The following HAUS5 variants were observed in gnomAD, a reference collection of about 807,000 sequenced individuals.
HAUS5 encodes HAUS augmin like complex subunit 5, also known as HAUS augmin-like complex subunit 5.
In HAUS5, 67 loss-of-function variants were observed where a neutral mutation model predicts 94.1. The observed-to-expected ratio is 0.71, with a 90% CI of 0.58 to 0.87. HAUS5 has a LOEUF of 0.87. Among genes scored for constraint, HAUS5 ranks in the 40% least tolerant of loss-of-function variants. HAUS5 has a pLI of 0.00. For synonymous variants in HAUS5, 339 were observed against 355.4 expected (o/e 0.95, Z 0.52); for missense variants, 739 against 825.6 (o/e 0.90, Z 1.29).
At chr19:35,617,256 C>G in intron 7 of HAUS5, 31 bp from the exon 8 acceptor site, 1 of 1,605,794 alleles carries the variant, frequency 6.2e-7, no homozygotes, top group Non-Finnish European at 8.5e-7. Flanking sequence ...GCTAGGGTCC[C>G]CCTCAGGTCC....
intron 17 of HAUS5, among the ~76,000 whole-genome samples, chr19:35,621,281 C>T (rs561756602): frequency 2.0e-5 from 3 of 152,288 alleles, no homozygotes; most frequent in East Asian, 1.9e-4. Context: ...AGACCCCACA[C>T]GGCCTCTGCC....
intron 18 of HAUS5, 40 bp downstream of exon 18, chr19:35,622,773 C>A: frequency 6.2e-7 from 1 of 1,613,500 alleles, no homozygotes; most frequent in Non-Finnish European, 8.5e-7. Flanking sequence ...ACAGAAAAGT[C>A]AGGACTCAAG....
At chr19:35,619,586 C>CG in intron 14 of HAUS5, 27 bp from the exon 15 acceptor site, 155 of 1,361,180 alleles carry the variant, frequency 1.1e-4, no homozygotes, top group Non-Finnish European at 1.4e-4. Flanking sequence ...GTTGTGATGC[C>CG]CCACCCACCC....
chr19:35,621,895 T>A (rs1967214318), intron 17 of HAUS5, among the ~76,000 whole-genome samples: 1 of 152,186 alleles, frequency 6.6e-6, no homozygotes, highest in Non-Finnish European at 1.5e-5. Context: ...CTGATCACGC[T>A]GCTCGTCTGC....
rs1374730046 is a variant in HAUS5 at position 35,618,936 on chromosome 19, A to G, written c.1066A>G (p.Lys356Glu). Residue 356 changes from lysine to glutamate, a missense_variant, in exon 13 of 19, where the codon AAG becomes GAG. Lys to Glu is a moderately conservative substitution (Grantham distance 56). Transcript: ENST00000203166. ...LRRCCLWTEL[K>E]ALHDQSQELQ... ...GCGCTGTTGCCTGTGGACGGAGCTCAAGGCCCTGCACGATCAGAGCCAGGA... is the reference window on the plus strand; with the variant it reads ...GCGCTGTTGCCTGTGGACGGAGCTCGAGGCCCTGCACGATCAGAGCCAGGA... 6.2e-7 allele frequency: 1 copy of G among 1,613,312 alleles called. No individual in the cohort carries two copies. Among genetic ancestry groups the G allele is most frequent in the Non-Finnish European group, 8.5e-7 (1 of 1,179,752 alleles).
Position 35,618,067 on chromosome 19 carries a change from C to T in HAUS5, c.697-4C>T, listed in dbSNP as rs750875355. On this transcript the variant is annotated splice_polypyrimidine_tract_variant and splice_region_variant and intron_variant, in intron 9 of 18. Coordinates refer to ENST00000203166, the MANE Select transcript of HAUS5 (RefSeq NM_015302.2). ...TGCCCTGACTTCACCCTCCCTCCCC[C>T]TAGACGCTGCTGACAAACCACCCCC... 31 of 1,590,104 alleles carry T rather than the reference C, an allele frequency of 1.9e-5. No homozygotes were observed. The highest frequency in any genetic ancestry group is 2.7e-5 in the Non-Finnish European group (31 of 1,165,804).
At chr19:35,612,980 T>TC in intron 1 of HAUS5, 88 bp downstream of exon 1, 5 of 901,708 alleles carry the variant, frequency 5.5e-6, no homozygotes, top group Non-Finnish European at 1.6e-6. Context: ...AGGACTCGAC[T>TC]CCCCCCAATT....
chr19:35,620,128 G>A lies in HAUS5; in HGVS notation c.1518+5G>A. ...CTGGGGCTGCCTCCAGGGAAGGTGA[G>A]TGCCCGTCTCCTGTGACTTGTCTCC... is the stretch of plus-strand genomic sequence containing the variant. On this transcript the variant is annotated splice_donor_5th_base_variant and intron_variant, in intron 16 of 18. Transcript: ENST00000203166. 3 of 1,613,366 alleles carry A rather than the reference G, an allele frequency of 1.9e-6. No homozygotes were observed. Among genetic ancestry groups the A allele is most frequent in the Admixed American group, 1.7e-5 (1 of 59,994 alleles).
chr19:35,616,803 C>T (rs951113437), intron 6 of HAUS5, among the ~76,000 whole-genome samples: 1 of 152,210 alleles, frequency 6.6e-6, no homozygotes, highest in African/African-American at 2.4e-5. Context: ...AGGCATGAGC[C>T]ACCACGCTGG....
chr19:35,616,734 C>T (rs917245469), intron 6 of HAUS5, among the ~76,000 whole-genome samples: 1 of 152,074 alleles, frequency 6.6e-6, no homozygotes, highest in Non-Finnish European at 1.5e-5. Context: ...TCCAGGCTGG[C>T]CTTGAACTCC....
rs1050682382 is a variant in HAUS5, at chr19:35,617,844, C to T, written c.639-11C>T. On this transcript the variant is annotated splice_polypyrimidine_tract_variant and intron_variant, in intron 8 of 18. Transcript: ENST00000203166. ...TTGTAACGTTCTCTGTCCGCTTACC[C>T]AACCCCACAGAACCCCTCATGATGA... 7 of 1,613,434 alleles carry T rather than the reference C, an allele frequency of 4.3e-6. No individual in the cohort carries two copies. Among genetic ancestry groups the T allele is most frequent in the Non-Finnish European group, 5.9e-6 (7 of 1,179,434 alleles).
intron 8 of HAUS5, among the ~76,000 whole-genome samples, chr19:35,617,607 C>T (rs542797617): frequency 9.2e-5 from 14 of 152,174 alleles, no homozygotes; most frequent in Admixed American, 4.6e-4. Flanking sequence ...GTGCCTTTCC[C>T]AGCTAAGAAG....
chr19:35,622,091 C>T (rs372069456), intron 17 of HAUS5, among the ~76,000 whole-genome samples: 4 of 152,136 alleles, frequency 2.6e-5, no homozygotes, highest in African/African-American at 9.7e-5. Context: ...CAGGCTTTGC[C>T]ACATCATGAA....
chr19:35,617,716 G>C (rs74542329), intron 8 of HAUS5, 139 bp from the exon 9 acceptor site: 9,198 of 750,094 alleles, frequency 0.012, 254 homozygotes, highest in African/African-American at 0.073. Context: ...CCCAAAGCCA[G>C]CAGGTTGGTA....
At chr19:35,616,734 C>G (rs917245469) in intron 6 of HAUS5, among the ~76,000 whole-genome samples, 3 of 152,074 alleles carry the variant, frequency 2.0e-5, no homozygotes, top group Admixed American at 1.3e-4. Flanking sequence ...TCCAGGCTGG[C>G]CTTGAACTCC....
chr19:35,622,939 G>T lies in HAUS5; in HGVS notation c.1848G>T (p.Gln616His). The T allele has an allele frequency of 3.7e-6, 6 of 1,613,752 alleles. No homozygotes were observed. Among genetic ancestry groups the T allele is most frequent in the Non-Finnish European group, 5.1e-6 (6 of 1,179,912 alleles). ...EELCQGLSLP[Q>H]WRLRWVQAQG... ...TCTGCCAGGGCCTGTCCCTGCCCCAGTGGCGGCTGCGCTGGGTTCAGGCCC... is the reference window on the plus strand; with the variant it reads ...TCTGCCAGGGCCTGTCCCTGCCCCATTGGCGGCTGCGCTGGGTTCAGGCCC... Residue 616 changes from glutamine to histidine, a missense_variant, in exon 19 of 19, where the codon CAG becomes CAT. By Grantham distance (24) the Gln-to-His change is conservative. Coordinates refer to ENST00000203166, the MANE Select transcript of HAUS5 (RefSeq NM_015302.2).
intron 17 of HAUS5, 102 bp downstream of exon 17, chr19:35,620,429 T>TGGGCAC: frequency 9.4e-7 from 1 of 1,061,208 alleles, no homozygotes; most frequent in Non-Finnish European, 1.4e-6. Flanking sequence ...GCAGTGCCCA[T>TGGGCAC]TGTGTGCTAA....
In HAUS5 at chr19:35,622,627, G is replaced by GA. The variant is rs1440303504; in HGVS notation, c.1683dup (p.Gln562ThrfsTer26). On this transcript the variant is annotated frameshift_variant, in exon 18 of 19. Transcript: ENST00000203166. LOFTEE classifies it high-confidence loss of function. ...GCTGCTGCAGATCCAGGCATCCCAG[G>GA]AAAAACAGCAGAAAGAGAACCTGGG... is the stretch of plus-strand genomic sequence containing the variant. The GA allele has an allele frequency of 6.2e-7, 1 of 1,613,998 alleles. No individual in the cohort carries two copies. The highest frequency in any genetic ancestry group is 8.5e-7 in the Non-Finnish European group (1 of 1,180,010).
rs779047719 is a variant in HAUS5 at position 35,619,743 on chromosome 19, G to A, written c.1391G>A (p.Arg464Gln). 7.3e-5 allele frequency: 114 copies of A among 1,554,944 alleles called. No homozygotes were observed. The highest frequency in any genetic ancestry group is 9.3e-5 in the Non-Finnish European group (107 of 1,149,912). Residue 464 changes from arginine (R) to glutamine (Q), a missense_variant, in exon 15 of 19, where the codon CGG (arginine) becomes CAG (glutamine). Arg to Gln is a conservative substitution (Grantham distance 43). Transcript: ENST00000203166. ...CACATTCTGTTGGGCACGCTGCTGC[G>A]GCACAGGCCGGGAGAGTGAGACTGG... ...LPHILLGTLL[R>Q]HRPGELKPLP...
Sources: gnomAD v4.1 joint callset for allele counts (sites outside exome capture counted in the v4.1 genomes callset) on GRCh38, gnomAD v4.1.1 for gene constraint, MANE v1.5 for transcripts, NCBI Gene and HGNC (gene_info 2026-07-23, HGNC 2026-07-21) for gene names.